GALNT13: variants seen among roughly 807,000 people sequenced by gnomAD.
The protein encoded by GALNT13 is polypeptide N-acetylgalactosaminyltransferase 13.
Under a neutral mutation model 64.2 loss-of-function variants are expected in GALNT13, and 28 were observed. The ratio of observed to expected loss-of-function variants is 0.44; its 90% CI spans 0.32 to 0.60. The LOEUF is 0.60. Among genes scored for constraint, GALNT13 ranks in the 20% least tolerant of loss-of-function variants. GALNT13 has a pLI of 0.05. For missense variants in GALNT13, 577 were observed against 669.8 expected, an observed-to-expected ratio of 0.86 and a Z score of 1.53; for synonymous variants, 214 against 224.6, an observed-to-expected ratio of 0.95 and a Z score of 0.42.
the GALNT13 span, among the ~76,000 whole-genome samples, chr2:153,819,619 A>G: frequency 6.6e-6 from 1 of 152,180 alleles, no homozygotes; most frequent in African/African-American, 2.4e-5. Context: ...CACCTGAAAC[A>G]ACAGAGAACA....
At chr2:154,440,182 C>T (rs921777910) in intron 12 of GALNT13, among the ~76,000 whole-genome samples, 2 of 152,070 alleles carry the variant, frequency 1.3e-5, no homozygotes, top group South Asian at 4.1e-4. Context: ...TGGGGCTCTA[C>T]TGAGCTTATG....
the GALNT13 span, among the ~76,000 whole-genome samples, chr2:153,522,802 T>C: frequency 2.6e-5 from 4 of 152,200 alleles, no homozygotes; most frequent in East Asian, 5.8e-4. Context: ...TCCCAATCTG[T>C]GGCTTTTTGA....
At chr2:153,097,175 C>T in the GALNT13 span, among the ~76,000 whole-genome samples, 3 of 152,156 alleles carry the variant, frequency 2.0e-5, no homozygotes, top group East Asian at 1.9e-4. Context: ...TTTTGTCCCC[C>T]GCTTTGTAAC....
At chr2:154,135,336 G>C (rs1682887950) in intron 3 of GALNT13, among the ~76,000 whole-genome samples, 1 of 152,118 alleles carries the variant, frequency 6.6e-6, no homozygotes, top group African/African-American at 2.4e-5. Context: ...GATGTAAAAT[G>C]CTACCTTATT....
chr2:153,186,420 C>T, the GALNT13 span, among the ~76,000 whole-genome samples: 10 of 152,206 alleles, frequency 6.6e-5, no homozygotes, highest in Non-Finnish European at 8.8e-5. Flanking sequence ...TTGACATTCT[C>T]TGTCTTTTAA....
At chr2:153,221,689 A>T in the GALNT13 span, among the ~76,000 whole-genome samples, 1 of 152,120 alleles carries the variant, frequency 6.6e-6, no homozygotes, top group South Asian at 2.1e-4. Context: ...GGCGCAGAGC[A>T]GTGAAGGATG....
At chr2:153,525,802 G>A in the GALNT13 span, among the ~76,000 whole-genome samples, 3 of 152,154 alleles carry the variant, frequency 2.0e-5, no homozygotes, top group Admixed American at 2.0e-4. Flanking sequence ...ACCTGCCCTG[G>A]ACCAGAGAGG....
the GALNT13 span, among the ~76,000 whole-genome samples, chr2:153,814,660 A>T: frequency 1.3e-5 from 2 of 152,108 alleles, no homozygotes; most frequent in African/African-American, 4.8e-5. Context: ...ACATCCAGAA[A>T]GTAATGCATC....
At chr2:154,285,941 A>G (rs1692239921) in intron 8 of GALNT13, among the ~76,000 whole-genome samples, 1 of 152,144 alleles carries the variant, frequency 6.6e-6, no homozygotes, top group Non-Finnish European at 1.5e-5. Context: ...ACTCCTAAGT[A>G]TTTTTTATGT....
chr2:153,290,806 C>A, the GALNT13 span, among the ~76,000 whole-genome samples: 2 of 152,100 alleles, frequency 1.3e-5, no homozygotes, highest in East Asian at 3.8e-4. Context: ...TTCAGTGCTA[C>A]AAATTTTTAT....
rs1372787502 is a variant in GALNT13, at chr2:154,107,567, C to G, written c.143-32770C>G. Reference sequence around the variant, plus strand: ...ATCATGGAACTGCACTCCAGCTTGGCAACAGAGTGAGACTACATCACAAAA... The same window carrying G: ...ATCATGGAACTGCACTCCAGCTTGGGAACAGAGTGAGACTACATCACAAAA... On this transcript the variant is annotated intron_variant, in intron 3 of 12. Transcript: ENST00000392825. 2.1e-4 allele frequency among the ~76,000 whole-genome samples: 26 copies of G among 123,616 alleles called. 1 individual carries two copies. Among genetic ancestry groups the G allele is most frequent in the Non-Finnish European group, 9.7e-5 (6 of 62,052 alleles). 81.1% of individuals were successfully genotyped at this position (123,616 alleles called of 152,430 possible).
intron 8 of GALNT13, among the ~76,000 whole-genome samples, chr2:154,274,763 G>A (rs1292077609): frequency 6.6e-6 from 1 of 152,058 alleles, no homozygotes; most frequent in Non-Finnish European, 1.5e-5. Flanking sequence ...AATTGGTACT[G>A]GGGGTACCAA....
intron 3 of GALNT13, among the ~76,000 whole-genome samples, chr2:154,060,397 C>T (rs1700114915): frequency 6.6e-6 from 1 of 151,928 alleles, no homozygotes; most frequent in African/African-American, 2.4e-5. Context: ...GCTCTGTTGC[C>T]CAGGCTGGAG....
In GALNT13 at chr2:154,423,007, C is replaced by T. The variant is rs571176648; in HGVS notation, c.1395+13925C>T. On this transcript the variant is annotated intron_variant, in intron 11 of 12. Transcript: ENST00000392825. ...ATGCATGTGCTATGTTGGTTTGCTG[C>T]GCCCATTAATTCATCATTTACATTA... Among the ~76,000 whole-genome samples the T allele has an allele frequency of 7.9e-5, 12 of 151,760 alleles. No homozygotes were observed. In the South Asian group the frequency reaches 8.3e-4, roughly 11 times the overall value.
intron 11 of GALNT13, among the ~76,000 whole-genome samples, chr2:154,429,795 T>C (rs959905832): frequency 6.6e-6 from 1 of 152,178 alleles, no homozygotes; most frequent in Non-Finnish European, 1.5e-5. Context: ...AGGAAAAATA[T>C]AGCGAGTGAC....
At chr2:153,595,334 A>T in the GALNT13 span, among the ~76,000 whole-genome samples, 2 of 151,940 alleles carry the variant, frequency 1.3e-5, no homozygotes, top group East Asian at 1.9e-4. Flanking sequence ...ATTAAAAATT[A>T]AAAAAATGAA....
At chr2:154,056,384 A>G (rs1411765707) in intron 3 of GALNT13, among the ~76,000 whole-genome samples, 1 of 152,148 alleles carries the variant, frequency 6.6e-6, no homozygotes, top group African/African-American at 2.4e-5. Context: ...TATATTTTTA[A>G]TCTAAAGCAA....
chr2:153,244,735 A>G, the GALNT13 span, among the ~76,000 whole-genome samples: 3 of 152,186 alleles, frequency 2.0e-5, no homozygotes, highest in Admixed American at 6.5e-5. Flanking sequence ...CTTGAAACCC[A>G]GGTGCCTGGT....
At chr2:153,979,513 C>T (rs980238290) in intron 3 of GALNT13, among the ~76,000 whole-genome samples, 1 of 152,118 alleles carries the variant, frequency 6.6e-6, no homozygotes, top group African/African-American at 2.4e-5. Context: ...ACATATTCCT[C>T]TTCTACCATC....
Sources: gnomAD v4.1 joint callset for allele counts (sites outside exome capture counted in the v4.1 genomes callset) on GRCh38, gnomAD v4.1.1 for gene constraint, MANE v1.5 for transcripts, NCBI Gene and HGNC (gene_info 2026-07-23, HGNC 2026-07-21) for gene names.